The following UHRF2 variants were observed in gnomAD, a reference collection of about 807,000 sequenced individuals.
UHRF2 encodes E3 ubiquitin-protein ligase UHRF2.
In UHRF2, 23 loss-of-function variants were observed where a neutral mutation model predicts 96.8. The observed-to-expected ratio is 0.24, with a 90% CI of 0.17 to 0.34. The LOEUF (loss-of-function observed/expected upper bound fraction) is 0.34, where lower values mean the gene tolerates loss of function less well. Among genes scored for constraint, UHRF2 ranks in the 10% least tolerant of loss-of-function variants. UHRF2 has a pLI of 1.00. For synonymous variants in UHRF2, 385 were observed against 332.6 expected, an observed-to-expected ratio of 1.16 and a Z score of -1.72; for missense variants, 685 against 981.5, an observed-to-expected ratio of 0.70 and a Z score of 4.04.
intron 11 of UHRF2, among the ~76,000 whole-genome samples, 162 bp downstream of exon 11, chr9:6,497,522 C>T (rs937262055): frequency 6.6e-6 from 1 of 151,578 alleles, no homozygotes; most frequent in Admixed American, 6.6e-5. Context: ...CTCTTAACTT[C>T]AGCACTTTAC....
At chr9:6,489,688 A>G (rs1824536851) in intron 9 of UHRF2, among the ~76,000 whole-genome samples, 1 of 146,144 alleles carries the variant, frequency 6.8e-6, no homozygotes, top group Admixed American at 6.8e-5. Flanking sequence ...TTAGTAGTAT[A>G]GCACTTCAGG....
chr9:6,418,094 A>G (rs1268915974), intron 1 of UHRF2, among the ~76,000 whole-genome samples: 2 of 152,054 alleles, frequency 1.3e-5, no homozygotes, highest in Non-Finnish European at 2.9e-5. Flanking sequence ...TGTCAGTTGT[A>G]TGTTACGCTT....
intron 3 of UHRF2, among the ~76,000 whole-genome samples, chr9:6,435,904 C>T (rs773084881): frequency 9.2e-5 from 14 of 152,158 alleles, no homozygotes; most frequent in African/African-American, 1.7e-4. Flanking sequence ...CCACCACGAC[C>T]GGCCCAAAAT....
rs1378001002 is a variant in UHRF2, at chr9:6,434,149, T to A, written c.620T>A (p.Val207Asp). 1.2e-6 allele frequency: 2 copies of A among 1,613,906 alleles called. No homozygotes were observed. Among genetic ancestry groups the A allele is most frequent in the Non-Finnish European group, 1.7e-6 (2 of 1,179,928 alleles). ...GACTGTGTTGCTGCTGATGAAGACG[T>A]TATTTACCATATCCAGTATGATGAG... is the stretch of plus-strand genomic sequence containing the variant. ...NSDCVAADED[V>D]IYHIQYDEYP... The change falls in exon 3 of 16, where the codon GTT becomes GAT. Residue 207 changes from valine (V) to aspartate (D), a missense_variant. Physicochemically the swap from Val to Asp is radical, Grantham distance 152. Transcript: ENST00000276893.
intron 3 of UHRF2, among the ~76,000 whole-genome samples, chr9:6,445,852 C>G (rs895445021): frequency 6.6e-6 from 1 of 152,116 alleles, no homozygotes; most frequent in African/African-American, 2.4e-5. Flanking sequence ...GCATTAGCCA[C>G]TGGTCCTAGC....
chr9:6,493,615 A>G (rs1221115658), intron 9 of UHRF2, among the ~76,000 whole-genome samples: 1 of 152,242 alleles, frequency 6.6e-6, no homozygotes, highest in Non-Finnish European at 1.5e-5. Flanking sequence ...GTTGAAAAGT[A>G]TAATTTAAAG....
intron 14 of UHRF2, among the ~76,000 whole-genome samples, chr9:6,502,363 C>T (rs1186727535): frequency 1.3e-5 from 2 of 152,090 alleles, no homozygotes; most frequent in Non-Finnish European, 2.9e-5. Context: ...TTTCATGTGT[C>T]TCACTCTTTC....
At chr9:6,505,590 C>T (rs1816540900) in intron 15 of UHRF2, among the ~76,000 whole-genome samples, 1 of 152,204 alleles carries the variant, frequency 6.6e-6, no homozygotes, top group Non-Finnish European at 1.5e-5. Context: ...AGCCACCATA[C>T]CTGGCTGCTA....
At chr9:6,449,478 T>C (rs1821722947) in intron 3 of UHRF2, 1 of 152,248 alleles carries the variant, frequency 6.6e-6, no homozygotes, top group Non-Finnish European at 1.5e-5. Flanking sequence ...CTGTCTTTCA[T>C]AGGTGTTACC....
intron 12 of UHRF2, 44 bp from the exon 13 acceptor site, chr9:6,499,791 A>C: frequency 4.5e-6 from 5 of 1,111,382 alleles, no homozygotes; most frequent in East Asian, 3.5e-5. Context: ...CTTCTCTGTG[A>C]AGCTTAAATC....
chr9:6,488,687 A>G (rs1034754164), intron 9 of UHRF2, among the ~76,000 whole-genome samples: 3 of 150,624 alleles, frequency 2.0e-5, no homozygotes, highest in Admixed American at 2.0e-4. Flanking sequence ...TTTTTACTAG[A>G]GATGGGGTTT....
chr9:6,453,979 CTTCT>C (rs1400994586), intron 3 of UHRF2, among the ~76,000 whole-genome samples: 1 of 152,052 alleles, frequency 6.6e-6, no homozygotes, highest in Admixed American at 6.6e-5. Context: ...TGTCAGGTTC[CTTCT>C]TTAAGATTAT....
At chr9:6,456,815 T>C (rs1304983733) in intron 3 of UHRF2, among the ~76,000 whole-genome samples, 1 of 152,186 alleles carries the variant, frequency 6.6e-6, no homozygotes, top group Non-Finnish European at 1.5e-5. Context: ...CTTGTTTTTG[T>C]CAGGATTGTC....
chr9:6,460,296 C>G (rs1010598309), intron 3 of UHRF2, among the ~76,000 whole-genome samples: 1 of 152,162 alleles, frequency 6.6e-6, no homozygotes, highest in Admixed American at 6.5e-5. Context: ...TGAACACTTA[C>G]TTGCCTGACA....
intron 4 of UHRF2, among the ~76,000 whole-genome samples, chr9:6,461,389 TC>T (rs548216905): frequency 0.015 from 1,411 of 95,806 alleles, 33 homozygotes; most frequent in African/African-American, 0.054. Flanking sequence ...CCTTCTCTCC[TC>T]CCCCCCGCCC....
At chr9:6,451,307 T>G (rs769493591) in intron 3 of UHRF2, among the ~76,000 whole-genome samples, 1 of 151,292 alleles carries the variant, frequency 6.6e-6, no homozygotes, top group Non-Finnish European at 1.5e-5. Flanking sequence ...TTCATTATGC[T>G]TTTGGTTTTT....
chr9:6,451,773 T>TTTTGTTGTTG, intron 3 of UHRF2, among the ~76,000 whole-genome samples: 1 of 148,918 alleles, frequency 6.7e-6, no homozygotes, highest in East Asian at 2.0e-4. Context: ...GCCCGGCCTG[T>TTTTGTTGTTG]TTGTTGTTGT....
intron 3 of UHRF2, among the ~76,000 whole-genome samples, chr9:6,435,451 A>G (rs186764162): frequency 8.8e-4 from 134 of 152,240 alleles, no homozygotes; most frequent in African/African-American, 3.0e-3. Context: ...ACAGCTTTTT[A>G]TTGAGATAGT....
At chr9:6,498,186 G>A (rs754146105) in intron 12 of UHRF2, 28 bp downstream of exon 12, 6 of 1,605,210 alleles carry the variant, frequency 3.7e-6, no homozygotes, top group South Asian at 1.1e-5. Flanking sequence ...TAGGCTGCCT[G>A]TGTGTTCATA....
Sources: gnomAD v4.1 joint callset for allele counts (sites outside exome capture counted in the v4.1 genomes callset) on GRCh38, gnomAD v4.1.1 for gene constraint, MANE v1.5 for transcripts, NCBI Gene and HGNC (gene_info 2026-07-23, HGNC 2026-07-21) for gene names.